Variants in NBAS observed in about 807,000 individuals in gnomAD.
NBAS encodes NBAS subunit of NRZ tethering complex, also known as NAG/BC035112 fusion.
A neutral mutation model predicts 302.5 loss-of-function variants in NBAS; 219 were observed. The observed-to-expected ratio is 0.72, with a 90% confidence interval of 0.65 to 0.81. NBAS has a LOEUF of 0.81. NBAS is among the 30% of genes least tolerant of loss of function. The pLI is 0.00. For missense variants in NBAS, 2,932 were observed against 2,841.6 expected (o/e 1.03, Z -0.72); for synonymous variants, 1,118 against 1,021.6 (o/e 1.09, Z -1.80).
At chr2:14,798,205 G>T in the NBAS span, among the ~76,000 whole-genome samples, 1 of 152,136 alleles carries the variant, frequency 6.6e-6, no homozygotes, top group African/African-American at 2.4e-5. Context: ...TTGACTAGTA[G>T]GTTTGATGTT....
At chr2:15,271,496 G>C (rs546039011) in intron 44 of NBAS, among the ~76,000 whole-genome samples, 19 of 152,272 alleles carry the variant, frequency 1.2e-4, no homozygotes, top group Middle Eastern at 3.4e-3. Context: ...GGGGGAAAGG[G>C]GAGTGGGTAA....
the NBAS span, among the ~76,000 whole-genome samples, chr2:14,929,627 C>T: frequency 6.6e-6 from 1 of 152,202 alleles, no homozygotes; most frequent in Non-Finnish European, 1.5e-5. Flanking sequence ...ATCTGCCTGC[C>T]TTGGCCTCCC....
At chr2:15,477,641 A>G (rs557693526) in intron 13 of NBAS, among the ~76,000 whole-genome samples, 1 of 152,234 alleles carries the variant, frequency 6.6e-6, no homozygotes, top group Non-Finnish European at 1.5e-5. Context: ...GATTTAACTT[A>G]GAAAGTTTCA....
chr2:15,313,902 T>C (rs1671388733), intron 38 of NBAS, among the ~76,000 whole-genome samples: 1 of 152,210 alleles, frequency 6.6e-6, no homozygotes, highest in South Asian at 2.1e-4. Context: ...TTACTCTTTC[T>C]AGGAAACTAT....
At chr2:15,426,493 T>C (rs1310530497) in intron 22 of NBAS, among the ~76,000 whole-genome samples, 1 of 152,212 alleles carries the variant, frequency 6.6e-6, no homozygotes, top group East Asian at 1.9e-4. Context: ...GGTCTCTTAC[T>C]TTCTAGCTAT....
At chr2:15,099,414 T>C in the NBAS span, among the ~76,000 whole-genome samples, 6 of 152,262 alleles carry the variant, frequency 3.9e-5, no homozygotes, top group South Asian at 2.1e-4. Context: ...AATGGACATA[T>C]GTAATTTTTA....
intron 28 of NBAS, among the ~76,000 whole-genome samples, chr2:15,389,601 T>C (rs779538455): frequency 2.0e-5 from 3 of 152,070 alleles, no homozygotes; most frequent in Non-Finnish European, 4.4e-5. Flanking sequence ...TGAAAAGACA[T>C]GGATCAAGGG....
chr2:14,990,294 C>G, the NBAS span, among the ~76,000 whole-genome samples: 6 of 149,796 alleles, frequency 4.0e-5, no homozygotes, highest in African/African-American at 1.5e-4. Flanking sequence ...CATGGTGGTG[C>G]ACGCCTGTAG....
the NBAS span, among the ~76,000 whole-genome samples, chr2:14,821,116 C>G: frequency 6.6e-6 from 1 of 151,962 alleles, no homozygotes; most frequent in Non-Finnish European, 1.5e-5. Context: ...TTAGTAGAGA[C>G]GGGGTTTCAC....
chr2:15,048,281 C>T, the NBAS span, among the ~76,000 whole-genome samples: 2 of 152,234 alleles, frequency 1.3e-5, no homozygotes, highest in Non-Finnish European at 2.9e-5. Flanking sequence ...CCAGTCCATC[C>T]GTGCCGGATG....
At chr2:15,234,382 C>T (rs946260239) in intron 46 of NBAS, among the ~76,000 whole-genome samples, 163 bp downstream of exon 46, 3 of 152,182 alleles carry the variant, frequency 2.0e-5, no homozygotes, top group African/African-American at 7.2e-5. Context: ...TTCATGGTCT[C>T]CCTTCTGAAG....
the NBAS span, among the ~76,000 whole-genome samples, chr2:15,045,913 C>T: frequency 6.6e-6 from 1 of 152,186 alleles, no homozygotes; most frequent in Admixed American, 6.5e-5. Flanking sequence ...TAGACAAAGC[C>T]TGTAAGAGAG....
chr2:15,165,019 T>C (rs1663980258), downstream of NBAS, among the ~76,000 whole-genome samples: 1 of 152,202 alleles, frequency 6.6e-6, no homozygotes, highest in African/African-American at 2.4e-5. Context: ...TCCAGCCCTC[T>C]GGGCCTCAGT....
intron 19 of NBAS, among the ~76,000 whole-genome samples, chr2:15,465,858 T>C (rs1572891390): frequency 6.6e-6 from 1 of 152,300 alleles, no homozygotes; most frequent in East Asian, 1.9e-4. Context: ...CTGAACATTT[T>C]AGGCACTTTT....
intron 9 of NBAS, among the ~76,000 whole-genome samples, chr2:15,522,889 A>T (rs1003025804): frequency 6.6e-6 from 1 of 152,254 alleles, no homozygotes; most frequent in Non-Finnish European, 1.5e-5. Flanking sequence ...ATATTCTTAC[A>T]GTAAAGTAAG....
At chr2:14,926,285 T>C in the NBAS span, among the ~76,000 whole-genome samples, 1 of 152,164 alleles carries the variant, frequency 6.6e-6, no homozygotes, top group Non-Finnish European at 1.5e-5. Context: ...ACACCTCCCC[T>C]TCTATCACAC....
intron 12 of NBAS, among the ~76,000 whole-genome samples, chr2:15,485,392 T>TG (rs1429705005): frequency 1.3e-5 from 2 of 152,202 alleles, no homozygotes; most frequent in Non-Finnish European, 2.9e-5. Context: ...ACAAGTATTG[T>TG]GGGAAAAAAT....
At chr2:15,481,144 C>T (rs961917523) in intron 12 of NBAS, among the ~76,000 whole-genome samples, 1 of 152,164 alleles carries the variant, frequency 6.6e-6, no homozygotes, top group Non-Finnish European at 1.5e-5. Flanking sequence ...ACCATTGTAG[C>T]GCATATCAGC....
intron 28 of NBAS, among the ~76,000 whole-genome samples, chr2:15,392,047 C>G (rs1251221633): frequency 1.3e-5 from 2 of 151,228 alleles, no homozygotes; most frequent in Admixed American, 1.3e-4. Context: ...AAGAAGCCTT[C>G]CAGACAAAAA....
Sources: gnomAD v4.1 joint callset for allele counts (sites outside exome capture counted in the v4.1 genomes callset) on GRCh38, gnomAD v4.1.1 for gene constraint, MANE v1.5 for transcripts, NCBI Gene and HGNC (gene_info 2026-07-23, HGNC 2026-07-21) for gene names.